The following ARHGAP29 variants were observed in gnomAD, a reference collection of about 807,000 sequenced individuals.
ARHGAP29 encodes Rho GTPase activating protein 29, also known as rho GTPase-activating protein 29.
Under a neutral mutation model 122.6 loss-of-function variants are expected in ARHGAP29, and 43 were observed. That is an observed-to-expected ratio of 0.35 (90% CI 0.27 to 0.45). ARHGAP29 has a LOEUF of 0.45. Ranked by LOEUF, ARHGAP29 falls within the 20% of genes least tolerant of loss-of-function variation. ARHGAP29 has a pLI of 1.00. For synonymous variants in ARHGAP29, 506 were observed against 497.1 expected (o/e 1.02, Z -0.24); for missense variants, 1,303 against 1,477.2 (o/e 0.88, Z 1.93).
intron 18 of ARHGAP29, among the ~76,000 whole-genome samples, chr1:94,184,618 G>C (rs1165350043): frequency 1.3e-5 from 2 of 151,668 alleles, no homozygotes; most frequent in East Asian, 3.9e-4. Context: ...GCCAGGCGTG[G>C]TAGCGCGTGC....
chr1:94,260,070 A>G (rs1654499942), intron 1 of ARHGAP29, among the ~76,000 whole-genome samples: 1 of 152,188 alleles, frequency 6.6e-6, no homozygotes, highest in South Asian at 2.1e-4. Flanking sequence ...CTTGAGCAAG[A>G]CTTGCTTGTG....
intron 3 of ARHGAP29, among the ~76,000 whole-genome samples, chr1:94,217,352 G>A (rs536618623): frequency 6.6e-6 from 1 of 152,020 alleles, no homozygotes; most frequent in East Asian, 1.9e-4. Flanking sequence ...TGGCCAAAAT[G>A]GTAAAATCTC....
intron 1 of ARHGAP29, among the ~76,000 whole-genome samples, chr1:94,233,691 C>T (rs760029852): frequency 1.3e-5 from 2 of 152,156 alleles, no homozygotes; most frequent in Non-Finnish European, 2.9e-5. Flanking sequence ...CCTTCTCATT[C>T]TTCCAACAGT....
the ARHGAP29 span, among the ~76,000 whole-genome samples, chr1:94,296,874 AAT>A: frequency 6.6e-6 from 1 of 152,226 alleles, no homozygotes; most frequent in South Asian, 2.1e-4. Context: ...ATGGAACTTA[AAT>A]AGGAACCATA....
chr1:94,297,063 GC>G, the ARHGAP29 span, among the ~76,000 whole-genome samples: 1 of 152,178 alleles, frequency 6.6e-6, no homozygotes, highest in Non-Finnish European at 1.5e-5. Context: ...GGAAGAGGAT[GC>G]AGTGGAGAGG....
At position 94,221,897 on chromosome 1, in the gene ARHGAP29, T is replaced by C. The variant is rs888612054; in HGVS notation, c.206-1505A>G. On this transcript the variant is annotated intron_variant, in intron 2 of 22. Coordinates refer to ENST00000260526, the MANE Select transcript of ARHGAP29 (RefSeq NM_004815.4). ...TAATCAGGTCTCCTTAGAGAAATAG[T>C]TGATTCCTGGACTGGGGCAGAAATC... Among the ~76,000 whole-genome samples, 2 of 151,630 alleles carry C rather than the reference T, an allele frequency of 1.3e-5. 1 individual carries two copies. The highest frequency in any genetic ancestry group is 4.1e-4 in the South Asian group (2 of 4,832).
rs547629514 is a variant in ARHGAP29 at position 94,189,475 on chromosome 1, T to C, written c.1440-123A>G. 2.6e-4 allele frequency: 309 copies of C among 1,206,700 alleles called. 4 individuals carry two copies. In the South Asian group the frequency reaches 4.6e-3, roughly 18 times the overall value. 74.7% of individuals were successfully genotyped at this position (1,206,700 alleles called of 1,614,324 possible). A position where few individuals can be genotyped will look rare whatever the true frequency, so the allele number is the denominator to read the frequency against. ...AATCATAGAAGAATTAAACTAAATA[T>C]TAAAAACAAACCACACTCATGGTTC... is the stretch of plus-strand genomic sequence containing the variant. On this transcript the variant is annotated intron_variant, in intron 13 of 22. Transcript: ENST00000260526.
intron 17 of ARHGAP29, 107 bp from the exon 18 acceptor site, chr1:94,185,167 T>C: frequency 8.2e-7 from 1 of 1,225,918 alleles, no homozygotes; most frequent in Non-Finnish European, 1.1e-6. Flanking sequence ...GAGGTATTAC[T>C]TGCGCTATTT....
intron 5 of ARHGAP29, among the ~76,000 whole-genome samples, chr1:94,207,404 A>G (rs1222381337): frequency 6.6e-6 from 1 of 152,192 alleles, no homozygotes; most frequent in Non-Finnish European, 1.5e-5. Context: ...TCTAAAACAA[A>G]TTAAAACCTT....
intron 12 of ARHGAP29, among the ~76,000 whole-genome samples, chr1:94,199,154 T>C (rs1650678109): frequency 6.6e-6 from 1 of 152,056 alleles, no homozygotes; most frequent in Non-Finnish European, 1.5e-5. Context: ...GATGAGTTGA[T>C]GGGTGCAGCA....
upstream of ARHGAP29, among the ~76,000 whole-genome samples, chr1:94,241,202 C>G (rs375515163): frequency 3.9e-5 from 6 of 152,170 alleles, no homozygotes; most frequent in African/African-American, 1.4e-4. Context: ...AATTATGCCA[C>G]AGTATATACC....
chr1:94,222,255 A>T (rs1460933542), intron 2 of ARHGAP29, among the ~76,000 whole-genome samples: 1 of 152,234 alleles, frequency 6.6e-6, no homozygotes, highest in Non-Finnish European at 1.5e-5. Context: ...GCTCTCAAGA[A>T]GGTGAAACAT....
Position 94,174,249 on chromosome 1 carries a change from T to G in ARHGAP29, c.3406A>C (p.Arg1136=). 1.9e-6 allele frequency: 3 copies of G among 1,614,228 alleles called. No homozygotes were observed. Among genetic ancestry groups the G allele is most frequent in the Non-Finnish European group, 1.7e-6 (2 of 1,180,040 alleles). Residue 1136 remains arginine (R), a synonymous_variant, in exon 23 of 23, where the codon AGA becomes CGA. Transcript: ENST00000260526. ...KPYAEPVRSV[R]EASERRSSDS... ...GAAGACCGTCTCTCAGATGCCTCTC[T>G]CACTGACCTGACTGGCTCTGCATAT... is the stretch of plus-strand genomic sequence containing the variant.
At chr1:94,182,494 AAC>A (rs558758718) in intron 19 of ARHGAP29, among the ~76,000 whole-genome samples, 1 of 152,114 alleles carries the variant, frequency 6.6e-6, no homozygotes. Context: ...CCCACATCAA[AAC>A]ACATACTTAT....
At chr1:94,190,192 TACAA>T in intron 12 of ARHGAP29, 109 bp from the exon 13 acceptor site, 1 of 1,129,736 alleles carries the variant, frequency 8.9e-7, no homozygotes, top group Non-Finnish European at 1.3e-6. Context: ...CAGTGAAGCA[TACAA>T]CACTGAATAT....
At chr1:94,228,041 C>T (rs1285269747) in intron 2 of ARHGAP29, among the ~76,000 whole-genome samples, 1 of 151,746 alleles carries the variant, frequency 6.6e-6, no homozygotes, top group Non-Finnish European at 1.5e-5. Flanking sequence ...AATTACCAAA[C>T]TCTGTCACTT....
Position 94,206,925 on chromosome 1 carries a change from T to C in ARHGAP29, c.511-1242A>G, listed in dbSNP as rs552845472. 2.0e-5 allele frequency among the ~76,000 whole-genome samples: 3 copies of C among 149,704 alleles called. No individual in the cohort carries two copies. The East Asian group carries it at 5.8e-4, about 29-fold the overall frequency. On this transcript the variant is annotated intron_variant, in intron 5 of 22. Coordinates refer to ENST00000260526, the MANE Select transcript of ARHGAP29 (RefSeq NM_004815.4). ...ATATATATATATTTAATATTATATA[T>C]GTATAATATATAGTTGCAATATATA... is the stretch of plus-strand genomic sequence containing the variant.
At chr1:94,210,798 G>GA (rs543973292) in intron 3 of ARHGAP29, among the ~76,000 whole-genome samples, 55 of 151,974 alleles carry the variant, frequency 3.6e-4, no homozygotes, top group Non-Finnish European at 6.5e-4. Context: ...GGGGCTTTGG[G>GA]AGGGCAAGGC....
chr1:94,234,457 A>G (rs1653126687), intron 1 of ARHGAP29, among the ~76,000 whole-genome samples: 1 of 152,342 alleles, frequency 6.6e-6, no homozygotes, highest in East Asian at 1.9e-4. Flanking sequence ...ACTGAAATCA[A>G]AGTTGGATTT....
Sources: gnomAD v4.1 joint callset for allele counts (sites outside exome capture counted in the v4.1 genomes callset) on GRCh38, gnomAD v4.1.1 for gene constraint, MANE v1.5 for transcripts, NCBI Gene and HGNC (gene_info 2026-07-23, HGNC 2026-07-21) for gene names.